The following CYP19A1 variants were observed in gnomAD, a reference collection of about 807,000 sequenced individuals.
CYP19A1 encodes the protein cytochrome P450 family 19 subfamily A member 1.
Under a neutral mutation model 44.4 loss-of-function variants are expected in CYP19A1, and 32 were observed. That is an observed-to-expected ratio of 0.72 (90% CI 0.54 to 0.97). The LOEUF is 0.97. Ranked by LOEUF, CYP19A1 falls within the 50% of genes least tolerant of loss-of-function variation. CYP19A1 has a pLI of 0.00. For synonymous variants in CYP19A1, 212 were observed against 215.6 expected (o/e 0.98, Z 0.14); for missense variants, 598 against 637.8 (o/e 0.94, Z 0.67).
chr15:51,254,542 C>T (rs186788135), intron 1 of CYP19A1, among the ~76,000 whole-genome samples: 1 of 152,116 alleles, frequency 6.6e-6, no homozygotes, highest in East Asian at 1.9e-4. Flanking sequence ...ATTAGACAAA[C>T]ATTCAGTCTC....
chr15:51,227,529 G>C (rs1434212906), intron 4 of CYP19A1, among the ~76,000 whole-genome samples: 1 of 151,882 alleles, frequency 6.6e-6, no homozygotes, highest in Admixed American at 6.6e-5. Context: ...AATTAGCCAG[G>C]CATGGTGGTG....
At chr15:51,232,674 G>C (rs1239279500) in intron 3 of CYP19A1, among the ~76,000 whole-genome samples, 1 of 151,902 alleles carries the variant, frequency 6.6e-6, no homozygotes, top group African/African-American at 2.4e-5. Context: ...CAATCTGTCA[G>C]CAAGTCTGTT....
Position 51,222,354 on chromosome 15 carries a change from A to C in CYP19A1, c.623T>G (p.Leu208Trp), listed in dbSNP as rs550382974. The C allele has an allele frequency of 6.2e-7, 1 of 1,614,184 alleles. No individual in the cohort carries two copies. Among genetic ancestry groups the C allele is most frequent in the Admixed American group, 1.7e-5 (1 of 60,030 alleles). Residue 208 changes from leucine (L) to tryptophan (W), a missense_variant, in exon 5 of 10, where the codon TTG (leucine) becomes TGG (tryptophan). Leu to Trp is a moderately conservative substitution (Grantham distance 61). Transcript: ENST00000396402. ...TSNTLFLRIP[L>W]DESAIVVKIQ... ...GAGAGTGAAAATTTCAGTACCGTCC[A>C]AAGGGATCCTCAAGAAGAGCGTGTT...
chr15:51,229,015 T>G (rs930427889), intron 3 of CYP19A1, among the ~76,000 whole-genome samples: 1 of 152,184 alleles, frequency 6.6e-6, no homozygotes. Flanking sequence ...TACTTTTGCC[T>G]TAATGAGGTT....
intron 1 of CYP19A1, among the ~76,000 whole-genome samples, chr15:51,259,182 G>T (rs1286984841): frequency 6.6e-6 from 1 of 152,178 alleles, no homozygotes; most frequent in African/African-American, 2.4e-5. Context: ...GGGTAGAGTT[G>T]GGACTTACTG....
At chr15:51,310,398 C>T (rs1214750550) in intron 1 of CYP19A1, among the ~76,000 whole-genome samples, 1 of 152,186 alleles carries the variant, frequency 6.6e-6, no homozygotes, top group Non-Finnish European at 1.5e-5. Flanking sequence ...CAGTCATAGA[C>T]AGCAACAACC....
chr15:51,319,281 A>G (rs1484500705), intron 1 of CYP19A1, among the ~76,000 whole-genome samples: 1 of 152,246 alleles, frequency 6.6e-6, no homozygotes, highest in Non-Finnish European at 1.5e-5. Flanking sequence ...AATAGTTATT[A>G]ATGGAATATT....
At chr15:51,290,678 A>G (rs2035822210) in intron 1 of CYP19A1, among the ~76,000 whole-genome samples, 1 of 152,224 alleles carries the variant, frequency 6.6e-6, no homozygotes, top group Non-Finnish European at 1.5e-5. Context: ...GAAGAGAAAG[A>G]TGAAGAGTTG....
At chr15:51,301,366 A>G (rs905691851) in intron 1 of CYP19A1, among the ~76,000 whole-genome samples, 2 of 152,360 alleles carry the variant, frequency 1.3e-5, no homozygotes, top group Admixed American at 6.5e-5. Context: ...AAGTTAGATC[A>G]ATTTAGCCTT....
chr15:51,290,833 G>A lies in CYP19A1; in HGVS notation c.-39+47662C>T, dbSNP rs774818703. On this transcript the variant is annotated intron_variant, in intron 1 of 9. Coordinates refer to ENST00000396402, the MANE Select transcript of CYP19A1 (RefSeq NM_000103.4). ...CTCTGGACTTCCAACTGGTCCTCTA[G>A]TGCTGCCCTGGCTTTTAAGCAGCTT... is the stretch of plus-strand genomic sequence containing the variant. 2.6e-4 allele frequency among the ~76,000 whole-genome samples: 40 copies of A among 152,212 alleles called. 1 individual carries two copies. The highest frequency in any genetic ancestry group is 1.4e-3 in the Admixed American group (21 of 15,282).
intron 9 of CYP19A1, chr15:51,211,793 A>G: frequency 3.2e-6 from 1 of 311,556 alleles, no homozygotes; most frequent in South Asian, 2.6e-5. Context: ...CACATCAATT[A>G]TAAAAAAAGA....
At chr15:51,311,987 C>A (rs1176605520) in intron 1 of CYP19A1, among the ~76,000 whole-genome samples, 3 of 152,152 alleles carry the variant, frequency 2.0e-5, no homozygotes, top group African/African-American at 7.2e-5. Flanking sequence ...ATATATCAAA[C>A]CCTAATGCTA....
At chr15:51,301,153 G>A (rs1290659435) in intron 1 of CYP19A1, among the ~76,000 whole-genome samples, 1 of 152,166 alleles carries the variant, frequency 6.6e-6, no homozygotes, top group African/African-American at 2.4e-5. Flanking sequence ...GCAACCTACT[G>A]GGGGCAGACA....
chr15:51,288,029 T>C (rs964932269), intron 1 of CYP19A1, among the ~76,000 whole-genome samples: 2 of 152,198 alleles, frequency 1.3e-5, no homozygotes, highest in Non-Finnish European at 2.9e-5. Context: ...CTTAAGGCAC[T>C]GGAGTCTCTA....
chr15:51,248,772 C>G (rs1398673193), intron 1 of CYP19A1, among the ~76,000 whole-genome samples: 1 of 152,092 alleles, frequency 6.6e-6, no homozygotes, highest in Non-Finnish European at 1.5e-5. Flanking sequence ...GGCTTTTATT[C>G]CCCATTGTAA....
At position 51,217,282 on chromosome 15, in the gene CYP19A1, C is replaced by T. The variant is rs561172402; in HGVS notation, c.743+1259G>A. Reference sequence around the variant, plus strand: ...CAGAAACCTAAGAGAATCCGTTATACAGACTCATACAATAAATTTCTGTGG... The same window carrying T: ...CAGAAACCTAAGAGAATCCGTTATATAGACTCATACAATAAATTTCTGTGG... On this transcript the variant is annotated intron_variant, in intron 6 of 9. Transcript: ENST00000396402. Among the ~76,000 whole-genome samples, 9 of 152,342 alleles carry T rather than the reference C, an allele frequency of 5.9e-5. No homozygotes were observed. In the East Asian group the frequency reaches 1.7e-3, roughly 29 times the overall value.
intron 1 of CYP19A1, chr15:51,293,802 G>A (rs888077813): frequency 1.7e-4 from 29 of 169,376 alleles, no homozygotes; most frequent in African/African-American, 4.5e-4. Flanking sequence ...CGAGTGATCC[G>A]CCAGCCTTGG....
chr15:51,252,709 C>T (rs1595723708), intron 1 of CYP19A1, among the ~76,000 whole-genome samples: 1 of 152,126 alleles, frequency 6.6e-6, no homozygotes, highest in South Asian at 2.1e-4. Context: ...ATGGAGGGCA[C>T]ACGGAGTGTG....
chr15:51,212,831 A>G (rs1193808942), intron 8 of CYP19A1, among the ~76,000 whole-genome samples: 2 of 152,196 alleles, frequency 1.3e-5, no homozygotes, highest in Non-Finnish European at 2.9e-5. Context: ...GTGATGCTGA[A>G]CTTACATTCC....
Sources: gnomAD v4.1 joint callset for allele counts (sites outside exome capture counted in the v4.1 genomes callset) on GRCh38, gnomAD v4.1.1 for gene constraint, MANE v1.5 for transcripts, NCBI Gene and HGNC (gene_info 2026-07-23, HGNC 2026-07-21) for gene names.